The following EML4 variants were observed in gnomAD, a reference collection of about 807,000 sequenced individuals.
EML4 encodes echinoderm microtubule-associated protein-like 4.
Under a neutral mutation model 129.0 loss-of-function variants are expected in EML4, and 72 were observed. That is an observed-to-expected ratio of 0.56 (90% CI 0.46 to 0.68). The LOEUF (loss-of-function observed/expected upper bound fraction) is 0.68, where lower values mean the gene tolerates loss of function less well. EML4 is among the 30% of genes least tolerant of loss of function. The probability of loss-of-function intolerance (pLI) is 0.00; values close to 1 mark genes in which losing one functional copy is unlikely to be tolerated. For missense variants in EML4, 1,363 were observed against 1,190.6 expected (o/e 1.14, Z -2.13); for synonymous variants, 532 against 405.0 (o/e 1.31, Z -3.77).
chr2:42,230,065 A>G (rs1272555506), intron 1 of EML4, among the ~76,000 whole-genome samples: 2 of 152,150 alleles, frequency 1.3e-5, no homozygotes, highest in African/African-American at 4.8e-5. Context: ...AACTTCTAAT[A>G]AAGGGGGTTC....
chr2:42,274,435 T>A (rs1666541052), intron 6 of EML4, among the ~76,000 whole-genome samples: 1 of 150,636 alleles, frequency 6.6e-6, no homozygotes, highest in African/African-American at 2.5e-5. Context: ...TTTGAAAGGC[T>A]TTTTTTTTCT....
chr2:42,233,803 A>T (rs1459996492), intron 1 of EML4, among the ~76,000 whole-genome samples: 1 of 152,224 alleles, frequency 6.6e-6, no homozygotes, highest in Admixed American at 6.5e-5. Context: ...GTTACAATTC[A>T]TGTGGATTTC....
intron 3 of EML4, among the ~76,000 whole-genome samples, chr2:42,259,957 C>G (rs1373103931): frequency 6.6e-6 from 1 of 151,658 alleles, no homozygotes; most frequent in Non-Finnish European, 1.5e-5. Flanking sequence ...GTCTTGATCT[C>G]CTAACCTCGT....
Position 42,331,739 on chromosome 2 carries a change from A to G in EML4, c.*1532A>G, listed in dbSNP as rs1247848443. 4.5e-6 allele frequency: 1 copy of G among 220,338 alleles called. No homozygotes were observed. Among genetic ancestry groups the G allele is most frequent in the African/African-American group, 2.2e-5 (1 of 44,570 alleles). 13.6% of individuals were successfully genotyped at this position (220,338 alleles called of 1,614,324 possible). On this transcript the variant is annotated 3_prime_UTR_variant, in exon 23 of 23. Coordinates refer to ENST00000318522, the MANE Select transcript of EML4 (RefSeq NM_019063.5). ...TTCATCATCATTTGGTAATATGAAA[A>G]CTCCAGTGAACTCCCAAGGACATTT...
chr2:42,278,330 T>G (rs946794181), intron 6 of EML4, among the ~76,000 whole-genome samples: 2 of 152,114 alleles, frequency 1.3e-5, no homozygotes, highest in Non-Finnish European at 2.9e-5. Context: ...CCCAGCACTT[T>G]GGGAGGCTGA....
intron 7 of EML4, among the ~76,000 whole-genome samples, 178 bp from the exon 8 acceptor site, chr2:42,282,645 G>C (rs1667075217): frequency 6.6e-6 from 1 of 152,052 alleles, no homozygotes; most frequent in East Asian, 1.9e-4. Flanking sequence ...CTCCCACCTT[G>C]GCCTCCTGAA....
At chr2:42,189,535 T>G (rs904380706) in intron 1 of EML4, among the ~76,000 whole-genome samples, 6 of 152,232 alleles carry the variant, frequency 3.9e-5, no homozygotes, top group African/African-American at 1.2e-4. Flanking sequence ...AGCTGTGATC[T>G]TGCTACTGCA....
At chr2:42,182,737 A>G (rs1046714331) in intron 1 of EML4, among the ~76,000 whole-genome samples, 1 of 152,156 alleles carries the variant, frequency 6.6e-6, no homozygotes, top group African/African-American at 2.4e-5. Context: ...ATTACCACAG[A>G]CTGGGTGGTT....
intron 7 of EML4, among the ~76,000 whole-genome samples, chr2:42,282,354 G>C (rs1017116365): frequency 4.7e-5 from 7 of 150,472 alleles, no homozygotes; most frequent in African/African-American, 1.5e-4. Context: ...GGTTACGCTA[G>C]GGATAATGGC....
At chr2:42,305,265 T>C (rs1379653615) in intron 17 of EML4, among the ~76,000 whole-genome samples, 1 of 152,066 alleles carries the variant, frequency 6.6e-6, no homozygotes, top group East Asian at 1.9e-4. Context: ...ATAAACATTA[T>C]CACGAATTAT....
intron 17 of EML4, among the ~76,000 whole-genome samples, chr2:42,310,813 A>G (rs1668897616): frequency 6.6e-6 from 1 of 152,220 alleles, no homozygotes; most frequent in African/African-American, 2.4e-5. Context: ...TTTAATTTGT[A>G]GAAAATCCCC....
intron 2 of EML4, among the ~76,000 whole-genome samples, chr2:42,251,939 GTC>G (rs1484238178): frequency 6.6e-6 from 1 of 152,206 alleles, no homozygotes; most frequent in East Asian, 1.9e-4. Flanking sequence ...CACTAACATA[GTC>G]ATCCCAAGGC....
chr2:42,330,258 A>G lies in EML4; in HGVS notation c.*51A>G, dbSNP rs370199823. The stretch of plus-strand genomic sequence containing the variant: ...TCCTTCAGCTGCATGTGATTTTGTG[A>G]TAAAGTTCAGGTAACAGGATGGGCA... On this transcript the variant is annotated 3_prime_UTR_variant, in exon 23 of 23. Transcript: ENST00000318522. The G allele has an allele frequency of 1.7e-4, 258 of 1,546,576 alleles. No individual in the cohort carries two copies. Among genetic ancestry groups the G allele is most frequent in the Non-Finnish European group, 2.0e-4 (229 of 1,122,520 alleles).
At chr2:42,212,637 A>G (rs1036690108) in intron 1 of EML4, among the ~76,000 whole-genome samples, 1 of 152,228 alleles carries the variant, frequency 6.6e-6, no homozygotes, top group African/African-American at 2.4e-5. Flanking sequence ...AACAGATAAA[A>G]TGGCATGACA....
intron 2 of EML4, among the ~76,000 whole-genome samples, chr2:42,246,353 A>C (rs1014620526): frequency 5.9e-5 from 9 of 152,092 alleles, no homozygotes; most frequent in Admixed American, 5.2e-4. Context: ...GATGTCTCTT[A>C]CTGATTTATT....
chr2:42,180,673 T>TAA (rs1670882643), intron 1 of EML4, among the ~76,000 whole-genome samples: 1 of 152,236 alleles, frequency 6.6e-6, no homozygotes. Flanking sequence ...TTTTAGTGTT[T>TAA]ATTTCCTGTA....
chr2:42,318,038 G>T (rs1669333988), intron 19 of EML4, among the ~76,000 whole-genome samples: 5 of 152,164 alleles, frequency 3.3e-5, no homozygotes, highest in Admixed American at 1.3e-4. Context: ...AATGAAAATT[G>T]GATTAAATTT....
Position 42,265,280 on chromosome 2 carries a change from T to G in EML4, c.667+549T>G, listed in dbSNP as rs181059968. Among the ~76,000 whole-genome samples, 444 of 152,290 alleles carry G rather than the reference T, an allele frequency of 2.9e-3. 2 individuals are homozygous for G. The highest frequency in any genetic ancestry group is 9.7e-3 in the African/African-American group (404 of 41,568). ...GTGTTTTTTGTTTGTTTGTTTTGTA[T>G]TTTTAGTAGAGACGGGGTTTCACCA... On this transcript the variant is annotated intron_variant, in intron 6 of 22. Transcript: ENST00000318522.
At chr2:42,189,790 CT>C in intron 1 of EML4, among the ~76,000 whole-genome samples, 2 of 152,248 alleles carry the variant, frequency 1.3e-5, no homozygotes, top group East Asian at 3.9e-4. Flanking sequence ...CTATACGATA[CT>C]TTTTTCATTT....
Sources: gnomAD v4.1 joint callset for allele counts (sites outside exome capture counted in the v4.1 genomes callset) on GRCh38, gnomAD v4.1.1 for gene constraint, MANE v1.5 for transcripts, NCBI Gene and HGNC (gene_info 2026-07-23, HGNC 2026-07-21) for gene names.